Variants in ATXN2 observed in about 807,000 individuals in gnomAD.
ATXN2 encodes ataxin 2.
ATXN2 carries 37 observed loss-of-function variants against 138.6 expected under a neutral mutation model. The ratio of observed to expected loss-of-function variants is 0.27; its 90% confidence interval spans 0.21 to 0.35. The LOEUF is 0.35. Among genes scored for constraint, ATXN2 ranks in the 10% least tolerant of loss-of-function variants. The probability of loss-of-function intolerance (pLI) is 1.00; values close to 1 mark genes in which losing one functional copy is unlikely to be tolerated. For missense variants in ATXN2, 1,216 were observed against 1,480.3 expected (o/e 0.82, Z 2.93); for synonymous variants, 549 against 543.7 (o/e 1.01, Z -0.13).
rs192873800 is a variant in ATXN2, at chr12:111,457,148, C to G, written c.3042+66G>C. 3 of 1,545,556 alleles carry G rather than the reference C, an allele frequency of 1.9e-6. No homozygotes were observed. The Admixed American group carries it at 5.8e-5, about 30-fold the overall frequency. ...GTTCTGACGATGCGATACCTGGCACCTGAAGAAAGCACTCAGATACTAGGA... is the reference window on the plus strand; with the variant it reads ...GTTCTGACGATGCGATACCTGGCACGTGAAGAAAGCACTCAGATACTAGGA... On this transcript the variant is annotated intron_variant, in intron 22 of 24. Coordinates refer to ENST00000673436, the MANE Select transcript of ATXN2 (RefSeq NM_001372574.1).
chr12:111,544,128 A>G (rs529838560), intron 5 of ATXN2, among the ~76,000 whole-genome samples: 1 of 152,150 alleles, frequency 6.6e-6, no homozygotes, highest in Non-Finnish European at 1.5e-5. Context: ...TGTAAAATCT[A>G]CATGTGTGTA....
intron 1 of ATXN2, among the ~76,000 whole-genome samples, chr12:111,595,172 C>G (rs979777100): frequency 6.6e-6 from 1 of 152,110 alleles, no homozygotes; most frequent in East Asian, 1.9e-4. Flanking sequence ...AATAATAGAG[C>G]ACCGCTAGCA....
At position 111,598,942 on chromosome 12, in the gene ATXN2, GGGC is replaced by G. The variant is rs749703424; in HGVS notation, c.90_92del (p.Pro31del). 5 of 1,461,882 alleles carry G rather than the reference GGGC, an allele frequency of 3.4e-6. No individual in the cohort carries two copies. In the African/African-American group the frequency reaches 4.9e-5, roughly 14 times the overall value. 90.6% of individuals were successfully genotyped at this position (1,461,882 alleles called of 1,614,324 possible). A position where few individuals can be genotyped will look rare whatever the true frequency, so the allele number is the denominator to read the frequency against. ...CGGGCTTGCGGACATTGGCAGCCGCGGGCGGCGGCTGCTGCTGCTGCTGCTGCT... is the reference window on the plus strand; with the variant it reads ...CGGGCTTGCGGACATTGGCAGCCGCGGGCGGCTGCTGCTGCTGCTGCTGCT... On this transcript the variant is annotated inframe_deletion, in exon 1 of 25. Transcript: ENST00000673436. This position sits in a 1 kb window ranked among gnomAD's most constrained non-coding sequence, Gnocchi z 4.5.
intron 14 of ATXN2, among the ~76,000 whole-genome samples, chr12:111,507,094 G>C (rs2135724674): frequency 6.6e-6 from 1 of 152,230 alleles, no homozygotes; most frequent in Non-Finnish European, 1.5e-5. Context: ...ACCCCGTCTG[G>C]GAAGTGAGGA....
At chr12:111,505,453 A>C (rs1879048153) in intron 14 of ATXN2, among the ~76,000 whole-genome samples, 1 of 152,250 alleles carries the variant, frequency 6.6e-6, no homozygotes, top group African/African-American at 2.4e-5. Context: ...CATGTATCTA[A>C]CAGGGACTTG....
intron 14 of ATXN2, among the ~76,000 whole-genome samples, chr12:111,501,667 C>T (rs1422180397): frequency 3.9e-5 from 6 of 152,166 alleles, no homozygotes; most frequent in Non-Finnish European, 8.8e-5. Context: ...TATGTGGGCA[C>T]ACTGGCAATT....
At chr12:111,559,379 G>A (rs947173312) in intron 1 of ATXN2, among the ~76,000 whole-genome samples, 3 of 151,710 alleles carry the variant, frequency 2.0e-5, no homozygotes, top group Admixed American at 2.0e-4. Flanking sequence ...GATTACAGGC[G>A]TGAGCTACCA....
At chr12:111,456,408 G>C in intron 22 of ATXN2, 152 bp from the exon 23 acceptor site, 11 of 752,698 alleles carry the variant, frequency 1.5e-5, no homozygotes, top group Non-Finnish European at 2.3e-5. Context: ...AGCAAGGCTG[G>C]AGGTGCCTCC....
At chr12:111,455,199 A>C (rs1874985939) in intron 23 of ATXN2, 1 of 697,188 alleles carries the variant, frequency 1.4e-6, no homozygotes, top group Non-Finnish European at 2.6e-6. Context: ...AAAGTAGCAG[A>C]GACATCTAAT....
In ATXN2 at chr12:111,599,229, C is replaced by G; in HGVS notation, c.-195G>C. The G allele has an allele frequency of 5.8e-6, 7 of 1,198,734 alleles. No homozygotes were observed. Among genetic ancestry groups the G allele is most frequent in the Non-Finnish European group, 7.2e-6 (7 of 968,048 alleles). The allele number at this position is 1,198,734 out of a possible 1,614,324, so 74.3% of individuals were successfully genotyped here. ...AAGGGGCGGGGAGGCCCGCCGAGACCAAGGAGCCGCCGGGAGCCGGGCCGA... is the reference window on the plus strand; with the variant it reads ...AAGGGGCGGGGAGGCCCGCCGAGACGAAGGAGCCGCCGGGAGCCGGGCCGA... On this transcript the variant is annotated 5_prime_UTR_variant, in exon 1 of 25. Coordinates refer to ENST00000673436, the MANE Select transcript of ATXN2 (RefSeq NM_001372574.1).
chr12:111,497,442 G>A (rs923123217), intron 14 of ATXN2, among the ~76,000 whole-genome samples: 1 of 152,114 alleles, frequency 6.6e-6, no homozygotes, highest in Non-Finnish European at 1.5e-5. Context: ...AGAAGCCAGT[G>A]TCTCTGAAGA....
intron 6 of ATXN2, among the ~76,000 whole-genome samples, chr12:111,522,819 C>A (rs1880254780): frequency 6.6e-6 from 1 of 152,076 alleles, no homozygotes; most frequent in South Asian, 2.1e-4. Flanking sequence ...AAGGCTGAAG[C>A]AGGAGAATCG....
intron 1 of ATXN2, among the ~76,000 whole-genome samples, chr12:111,580,090 G>T (rs1276734571): frequency 1.3e-5 from 2 of 152,094 alleles, no homozygotes; most frequent in Non-Finnish European, 2.9e-5. Flanking sequence ...CTGGGACTAT[G>T]GGTGCACGCC....
chr12:111,480,118 A>T (rs1000218366), intron 18 of ATXN2, among the ~76,000 whole-genome samples: 17 of 152,052 alleles, frequency 1.1e-4, no homozygotes, highest in Admixed American at 9.8e-4. Context: ...AGTGGTAATA[A>T]AGTACAGTTG....
chr12:111,588,336 A>G (rs1884450309), intron 1 of ATXN2, among the ~76,000 whole-genome samples: 1 of 152,174 alleles, frequency 6.6e-6, no homozygotes, highest in Admixed American at 6.6e-5. Flanking sequence ...ATGAATGCAA[A>G]CACAAATAAT....
At chr12:111,556,214 G>A (rs371639103) in intron 1 of ATXN2, among the ~76,000 whole-genome samples, 38 of 151,992 alleles carry the variant, frequency 2.5e-4, no homozygotes, top group East Asian at 3.9e-4. Context: ...AATGCTAAAC[G>A]TAAATTAATA....
chr12:111,552,915 G>A lies in ATXN2; in HGVS notation c.411C>T (p.Tyr137=). The A allele has an allele frequency of 6.4e-7, 1 of 1,553,278 alleles. No homozygotes were observed. Among genetic ancestry groups the A allele is most frequent in the Non-Finnish European group, 8.7e-7 (1 of 1,155,096 alleles). ...AAAAAGTAAAAATTACCTTCGGACT[G>A]TAAGTTTTAAAAACTCCTTCATATA... The part of the protein sequence containing the change: ...GGIYEGVFKT[Y]SPKCDLVLDA... Residue 137 remains tyrosine (Y), a synonymous_variant, in exon 4 of 25, where the codon TAC becomes TAT. Transcript: ENST00000673436. This position sits in a 1 kb window ranked among gnomAD's most constrained non-coding sequence, Gnocchi z 4.1.
chr12:111,474,057 C>T (rs1056066175), intron 18 of ATXN2, among the ~76,000 whole-genome samples: 6 of 152,264 alleles, frequency 3.9e-5, no homozygotes, highest in Middle Eastern at 3.4e-3. Context: ...CCTGTCTCTA[C>T]AAAAAATACA....
chr12:111,485,599 T>C, intron 17 of ATXN2, 114 bp downstream of exon 17: 2 of 1,297,812 alleles, frequency 1.5e-6, no homozygotes, highest in African/African-American at 1.5e-5. Flanking sequence ...CCTGTCTGTT[T>C]CAAATGCATA....
Sources: gnomAD v4.1 joint callset for allele counts (sites outside exome capture counted in the v4.1 genomes callset) on GRCh38, gnomAD v4.1.1 for gene constraint, Gnocchi (gnomAD v3.1) non-coding constraint, MANE v1.5 for transcripts, NCBI Gene and HGNC (gene_info 2026-07-23, HGNC 2026-07-21) for gene names.